The following AIM2 variants were observed in gnomAD, a reference collection of about 807,000 sequenced individuals.
AIM2 encodes the protein interferon-inducible protein AIM2.
AIM2 carries 30 observed loss-of-function variants against 27.7 expected under a neutral mutation model. The observed-to-expected ratio is 1.08, with a 90% CI of 0.81 to 1.47. AIM2 has a LOEUF of 1.47. Ranked by LOEUF, AIM2 falls within the 40% of genes most tolerant of loss-of-function variation. The pLI, the probability that AIM2 is intolerant of heterozygous loss-of-function variation, is 0.00. For missense variants in AIM2, 358 were observed against 411.3 expected (o/e 0.87, Z 1.12); for synonymous variants, 141 against 145.3 (o/e 0.97, Z 0.21).
chr1:159,063,459 G>A, intron 5 of AIM2, 27 bp downstream of exon 5: 1 of 1,587,064 alleles, frequency 6.3e-7, no homozygotes, highest in Non-Finnish European at 8.6e-7. Flanking sequence ...CCCTTGGAGA[G>A]TTGACTTTGT....
At chr1:159,071,257 G>T (rs1012808156) in intron 2 of AIM2, among the ~76,000 whole-genome samples, 2 of 152,178 alleles carry the variant, frequency 1.3e-5, no homozygotes, top group Non-Finnish European at 2.9e-5. Context: ...GAGGTCATGA[G>T]TAGAATAGCA....
At position 159,066,243 on chromosome 1, in the gene AIM2, T is replaced by C. The variant is rs373555103; in HGVS notation, c.483A>G (p.Ala161=). 4.3e-6 allele frequency: 7 copies of C among 1,614,090 alleles called. No individual in the cohort carries two copies. The African/African-American group carries it at 8.0e-5, about 18-fold the overall frequency. Residue 161 remains alanine (A), a synonymous_variant, in exon 4 of 6, where the codon GCA becomes GCG. Transcript: ENST00000368130. The part of the protein sequence containing the change: ...KRCLPVMVLK[A]KKPFTFETQE... ...GGGTCTCAAACGTGAAGGGCTTCTT[T>C]GCTTTCAGTACCATAACTGGCAAAC... is the stretch of plus-strand genomic sequence containing the variant.
intron 1 of AIM2, among the ~76,000 whole-genome samples, chr1:159,108,550 A>G (rs952280534): frequency 6.6e-6 from 1 of 152,234 alleles, no homozygotes; most frequent in Non-Finnish European, 1.5e-5. Flanking sequence ...CAGAGCAATC[A>G]GACAAGAGAA....
chr1:159,079,794 T>G (rs976827135), upstream of AIM2, among the ~76,000 whole-genome samples: 1 of 152,154 alleles, frequency 6.6e-6, no homozygotes, highest in South Asian at 2.1e-4. Context: ...CCTCACAGTA[T>G]CATACAGGGT....
At chr1:159,074,973 G>GA (rs1352601185) in intron 1 of AIM2, among the ~76,000 whole-genome samples, 13 of 152,002 alleles carry the variant, frequency 8.6e-5, no homozygotes, top group Middle Eastern at 3.4e-3. Context: ...AAACCTAAAT[G>GA]AAAAAAATAA....
chr1:159,065,063 A>G (rs1656024229), intron 4 of AIM2, among the ~76,000 whole-genome samples: 1 of 152,112 alleles, frequency 6.6e-6, no homozygotes, highest in African/African-American at 2.4e-5. Flanking sequence ...AGGACTGGAG[A>G]GTCTTCCTAT....
chr1:159,099,898 C>T (rs535010358), intron 1 of AIM2, among the ~76,000 whole-genome samples: 2 of 152,176 alleles, frequency 1.3e-5, no homozygotes, highest in South Asian at 4.1e-4. Context: ...TTAATAACTG[C>T]CTTCTCTGGC....
chr1:159,127,202 T>A (rs1647716892), intron 1 of AIM2, among the ~76,000 whole-genome samples: 1 of 152,234 alleles, frequency 6.6e-6, no homozygotes, highest in African/African-American at 2.4e-5. Context: ...ACTGGTAGGA[T>A]CCTGAGTGTT....
intron 1 of AIM2, among the ~76,000 whole-genome samples, chr1:159,130,640 C>T (rs1229400777): frequency 1.3e-5 from 2 of 151,716 alleles, no homozygotes; most frequent in Non-Finnish European, 2.9e-5. Flanking sequence ...CAGTTTTATC[C>T]TCTTCTCTCT....
chr1:159,141,025 G>C (rs1648102036), upstream of AIM2, among the ~76,000 whole-genome samples: 1 of 152,140 alleles, frequency 6.6e-6, no homozygotes, highest in African/African-American at 2.4e-5. Context: ...CTGAGACAAA[G>C]AGCAATGATT....
upstream of AIM2, among the ~76,000 whole-genome samples, chr1:159,079,205 AAG>A (rs1196776277): frequency 6.6e-6 from 1 of 152,176 alleles, no homozygotes; most frequent in African/African-American, 2.4e-5. Flanking sequence ...ATGAAACAAA[AAG>A]ACAGTGCTAA....
intron 1 of AIM2, among the ~76,000 whole-genome samples, chr1:159,107,379 A>C (rs923628125): frequency 2.0e-5 from 3 of 152,070 alleles, no homozygotes; most frequent in Non-Finnish European, 4.4e-5. Flanking sequence ...AAAGCAGGAT[A>C]CGAAAAATGG....
At chr1:159,133,079 C>T (rs1647934581) in intron 1 of AIM2, among the ~76,000 whole-genome samples, 1 of 152,228 alleles carries the variant, frequency 6.6e-6, no homozygotes, top group African/African-American at 2.4e-5. Context: ...GAGGAGCTGG[C>T]CCTCCAGCTA....
chr1:159,143,900 A>T (rs1446400538), upstream of AIM2, among the ~76,000 whole-genome samples: 8 of 152,182 alleles, frequency 5.3e-5, no homozygotes, highest in Non-Finnish European at 1.2e-4. Context: ...ACCCTGAAAC[A>T]TGTATGGGAG....
intron 1 of AIM2, among the ~76,000 whole-genome samples, chr1:159,095,096 A>T (rs1221093545): frequency 4.6e-5 from 7 of 152,246 alleles, no homozygotes; most frequent in African/African-American, 7.2e-5. Flanking sequence ...AGAGAGAAGC[A>T]CTACAGGTAT....
chr1:159,061,920 C>T (rs1391109397), downstream of AIM2, among the ~76,000 whole-genome samples: 4 of 152,116 alleles, frequency 2.6e-5, no homozygotes, highest in Non-Finnish European at 5.9e-5. Flanking sequence ...CAGATTTTCT[C>T]CCATGTTTTC....
Position 159,065,895 on chromosome 1 carries a change from G to C in AIM2, c.816+15C>G. On this transcript the variant is annotated intron_variant, in intron 4 of 5. Coordinates refer to ENST00000368130, the MANE Select transcript of AIM2 (RefSeq NM_004833.3). ...ATTCTTACTAATCAATATGAAATTAGATATGAAAACTTACCTTCTGGACTA... is the reference window on the plus strand; with the variant it reads ...ATTCTTACTAATCAATATGAAATTACATATGAAAACTTACCTTCTGGACTA... 1 of 1,569,210 alleles carries C rather than the reference G, an allele frequency of 6.4e-7. No individual in the cohort carries two copies. The highest frequency in any genetic ancestry group is 8.6e-7 in the Non-Finnish European group (1 of 1,161,324).
intron 1 of AIM2, among the ~76,000 whole-genome samples, chr1:159,139,129 C>T (rs967368038): frequency 2.6e-5 from 4 of 152,152 alleles, no homozygotes; most frequent in African/African-American, 9.7e-5. Context: ...GAAGGCTAGG[C>T]AATAGTTAAA....
chr1:159,059,979 G>A (rs1207529113), downstream of AIM2, among the ~76,000 whole-genome samples: 1 of 152,132 alleles, frequency 6.6e-6, no homozygotes, highest in East Asian at 1.9e-4. Context: ...GTAGACCAGA[G>A]AGGATAGAAC....
Sources: gnomAD v4.1 joint callset for allele counts (sites outside exome capture counted in the v4.1 genomes callset) on GRCh38, gnomAD v4.1.1 for gene constraint, MANE v1.5 for transcripts, NCBI Gene and HGNC (gene_info 2026-07-23, HGNC 2026-07-21) for gene names.